The following MYO16 variants were observed in gnomAD, a reference collection of about 807,000 sequenced individuals.
MYO16 encodes the protein unconventional myosin-XVI.
A neutral mutation model predicts 205.3 loss-of-function variants in MYO16; 94 were observed. The ratio of observed to expected loss-of-function variants is 0.46; its 90% CI spans 0.39 to 0.54. The LOEUF is 0.54. Among genes scored for constraint, MYO16 ranks in the 20% least tolerant of loss-of-function variants. MYO16 has a pLI of 0.00. For missense variants in MYO16, 2,315 were observed against 2,387.5 expected, an observed-to-expected ratio of 0.97 and a Z score of 0.63; for synonymous variants, 988 against 954.0, an observed-to-expected ratio of 1.04 and a Z score of -0.66.
At chr13:109,205,816 A>AT (rs1305324900) in intron 34 of MYO16, among the ~76,000 whole-genome samples, 2 of 152,126 alleles carry the variant, frequency 1.3e-5, no homozygotes, top group African/African-American at 4.8e-5. Context: ...ACATGTTTTG[A>AT]TGCTTTCCTG....
At chr13:108,875,741 C>T (rs935696054) in intron 12 of MYO16, among the ~76,000 whole-genome samples, 2 of 152,018 alleles carry the variant, frequency 1.3e-5, no homozygotes, top group Non-Finnish European at 2.9e-5. Context: ...ATTGAAAACC[C>T]TAGCCACCTG....
the MYO16 span, among the ~76,000 whole-genome samples, chr13:108,571,525 T>A: frequency 6.6e-6 from 1 of 152,128 alleles, no homozygotes; most frequent in Non-Finnish European, 1.5e-5. Context: ...ATGTATTTTT[T>A]AAAATGTCAA....
chr13:108,818,840 A>G (rs1296754678), intron 7 of MYO16, among the ~76,000 whole-genome samples: 2 of 152,214 alleles, frequency 1.3e-5, no homozygotes, highest in African/African-American at 4.8e-5. Flanking sequence ...AGCATAATAT[A>G]AAATCATACC....
At chr13:109,063,130 G>A (rs1887641313) in intron 27 of MYO16, among the ~76,000 whole-genome samples, 1 of 152,100 alleles carries the variant, frequency 6.6e-6, no homozygotes, top group South Asian at 2.1e-4. Flanking sequence ...GACATTTGTT[G>A]GACTTTGTAG....
chr13:108,751,883 TCA>T (rs1885249707), intron 4 of MYO16, among the ~76,000 whole-genome samples: 1 of 152,082 alleles, frequency 6.6e-6, no homozygotes, highest in South Asian at 2.1e-4. Flanking sequence ...TGAGAAACTG[TCA>T]CAGCCTAAAG....
intron 1 of MYO16, among the ~76,000 whole-genome samples, chr13:108,646,680 G>A (rs1330426287): frequency 3.9e-5 from 6 of 152,084 alleles, no homozygotes; most frequent in Admixed American, 1.3e-4. Flanking sequence ...TTTAGATATA[G>A]GTATATTTAG....
chr13:109,086,594 A>G (rs1404438555), intron 27 of MYO16, among the ~76,000 whole-genome samples: 5 of 152,316 alleles, frequency 3.3e-5, no homozygotes, highest in African/African-American at 1.2e-4. Context: ...CTTAATTTCC[A>G]TGACATTTCA....
At chr13:109,193,566 G>GA (rs912813313) in intron 34 of MYO16, among the ~76,000 whole-genome samples, 15 of 151,312 alleles carry the variant, frequency 9.9e-5, no homozygotes, top group East Asian at 3.9e-4. Flanking sequence ...ATTATTTCTG[G>GA]AAAAAAAAAT....
the MYO16 span, among the ~76,000 whole-genome samples, chr13:108,504,117 T>C: frequency 6.6e-6 from 1 of 152,236 alleles, no homozygotes; most frequent in East Asian, 1.9e-4. Context: ...ATTTTTGTTT[T>C]GTTTTGTTTT....
At chr13:109,020,918 G>A (rs757809231) in intron 23 of MYO16, among the ~76,000 whole-genome samples, 4 of 152,228 alleles carry the variant, frequency 2.6e-5, no homozygotes, top group Admixed American at 1.3e-4. Flanking sequence ...TCTCAGCTTC[G>A]AATAGGGAAA....
chr13:108,687,036 G>C (rs978332283), intron 2 of MYO16, among the ~76,000 whole-genome samples: 19 of 152,146 alleles, frequency 1.2e-4, no homozygotes, highest in Non-Finnish European at 2.6e-4. Context: ...GTTCTGCTTT[G>C]GTTTGGCTGC....
chr13:108,745,668 G>T (rs1336482846), intron 4 of MYO16, among the ~76,000 whole-genome samples: 1 of 151,706 alleles, frequency 6.6e-6, no homozygotes, highest in Admixed American at 6.6e-5. Context: ...CAAAAGGCAA[G>T]GAAAACACAG....
intron 29 of MYO16, 43 bp downstream of exon 29, chr13:109,120,509 G>A: frequency 6.7e-7 from 1 of 1,501,108 alleles, no homozygotes; most frequent in Non-Finnish European, 9.2e-7. Context: ...TTTGAGTTGT[G>A]AAATGCAAAA....
At chr13:109,100,301 T>C (rs1237074873) in intron 27 of MYO16, among the ~76,000 whole-genome samples, 1 of 152,184 alleles carries the variant, frequency 6.6e-6, no homozygotes, top group Non-Finnish European at 1.5e-5. Context: ...ATATATAATA[T>C]ATGGGGAAGA....
chr13:108,719,247 G>A (rs915845390), intron 3 of MYO16, among the ~76,000 whole-genome samples: 51 of 152,078 alleles, frequency 3.4e-4, no homozygotes, highest in Non-Finnish European at 1.0e-4. Flanking sequence ...CAAAGCCACT[G>A]GTAACAAAAT....
At chr13:108,572,288 G>A in the MYO16 span, among the ~76,000 whole-genome samples, 1 of 151,976 alleles carries the variant, frequency 6.6e-6, no homozygotes, top group Non-Finnish European at 1.5e-5. Flanking sequence ...AAACACTGAA[G>A]TTTTACTAAG....
Position 108,866,245 on chromosome 13 carries a change from G to A in MYO16, c.1425+3G>A. ...AGCTTCCAATTTATTCTTCCATGGTGAGCACAAAATTTTAAATATCATTGA... is the reference window on the plus strand; with the variant it reads ...AGCTTCCAATTTATTCTTCCATGGTAAGCACAAAATTTTAAATATCATTGA... On this transcript the variant is annotated splice_donor_region_variant and intron_variant, in intron 12 of 34. Transcript: ENST00000457511. 1 of 1,569,924 alleles carries A rather than the reference G, an allele frequency of 6.4e-7. No individual in the cohort carries two copies. The highest frequency in any genetic ancestry group is 8.7e-7 in the Non-Finnish European group (1 of 1,145,274).
At chr13:108,555,587 T>G in the MYO16 span, among the ~76,000 whole-genome samples, 2 of 152,318 alleles carry the variant, frequency 1.3e-5, no homozygotes, top group Admixed American at 6.5e-5. Context: ...TTATCTTTTT[T>G]TGTGTGTGTT....
chr13:108,933,171 G>T (rs1430151141), intron 16 of MYO16, among the ~76,000 whole-genome samples: 2 of 152,180 alleles, frequency 1.3e-5, no homozygotes, highest in Non-Finnish European at 2.9e-5. Flanking sequence ...CACTAACTGT[G>T]TGTGGCAAGA....
Sources: allele counts gnomAD v4.1 joint callset (sites outside exome capture counted in the v4.1 genomes callset), GRCh38; gene constraint gnomAD v4.1.1; transcripts MANE v1.5; gene names NCBI Gene and HGNC (gene_info 2026-07-23, HGNC 2026-07-21).